CACNA1B: variants seen among roughly 807,000 people sequenced by gnomAD.
The protein encoded by CACNA1B is calcium voltage-gated channel subunit alpha1 B, also known as voltage-dependent N-type calcium channel subunit alpha-1B.
A neutral mutation model predicts 247.2 loss-of-function variants in CACNA1B; 70 were observed. That is an observed-to-expected ratio of 0.28 (90% confidence interval 0.23 to 0.35). The LOEUF is 0.35. Ranked by LOEUF, CACNA1B falls within the 10% of genes least tolerant of loss-of-function variation. The pLI is 1.00. For synonymous variants in CACNA1B, 1,231 were observed against 1,294.4 expected (o/e 0.95, Z 1.05); for missense variants, 2,367 against 3,197.4 (o/e 0.74, Z 6.26).
intron 3 of CACNA1B, among the ~76,000 whole-genome samples, chr9:137,903,516 G>A (rs1957263694): frequency 6.6e-6 from 1 of 152,184 alleles, no homozygotes; most frequent in South Asian, 2.1e-4. Context: ...AATGTCTCAT[G>A]AAGCCAGTCC....
chr9:138,044,393 G>C (rs1472736620), intron 21 of CACNA1B, among the ~76,000 whole-genome samples: 1 of 152,250 alleles, frequency 6.6e-6, no homozygotes, highest in Non-Finnish European at 1.5e-5. Flanking sequence ...CCTGGGAATA[G>C]TTAGGAATGA....
intron 6 of CACNA1B, among the ~76,000 whole-genome samples, chr9:137,926,015 A>C (rs1957546308): frequency 6.7e-6 from 1 of 149,536 alleles, no homozygotes. Flanking sequence ...CGGCCTTCCA[A>C]ATTGCTGGGA....
Position 138,021,530 on chromosome 9 carries a change from G to A in CACNA1B, c.2268-1481G>A, listed in dbSNP as rs2133434944. Among the ~76,000 whole-genome samples the A allele has an allele frequency of 2.0e-5, 3 of 152,376 alleles. 1 individual carries two copies. In the South Asian group the frequency reaches 6.2e-4, roughly 32 times the overall value. On this transcript the variant is annotated intron_variant, in intron 18 of 46. Transcript: ENST00000371372. Reference sequence around the variant, plus strand: ...TTGCAGGTCAGAGTGGTGCTCAGCGGCTCAGGGCCCCGGAGCTGGTGGCCG... The same window carrying A: ...TTGCAGGTCAGAGTGGTGCTCAGCGACTCAGGGCCCCGGAGCTGGTGGCCG...
chr9:137,992,712 T>TA (rs1271164909), intron 15 of CACNA1B, among the ~76,000 whole-genome samples: 1 of 148,566 alleles, frequency 6.7e-6, no homozygotes, highest in Non-Finnish European at 1.5e-5. Flanking sequence ...TCGGGAAATT[T>TA]AAAAAAATCT....
chr9:138,068,466 G>A (rs1287504745), intron 31 of CACNA1B: 1 of 333,886 alleles, frequency 3.0e-6, no homozygotes, highest in East Asian at 7.6e-5. Context: ...AATCAGAAAA[G>A]TTGAGTCCCC....
intron 39 of CACNA1B, among the ~76,000 whole-genome samples, chr9:138,109,216 C>T (rs1370693127): frequency 6.6e-6 from 1 of 152,116 alleles, no homozygotes; most frequent in Non-Finnish European, 1.5e-5. Context: ...TTTTAACAAA[C>T]TTGGAAAGGC....
At position 138,052,167 on chromosome 9, in the gene CACNA1B, C is replaced by T. The variant is rs771339845; in HGVS notation, c.3786C>T (p.Ile1262=). 13 of 1,609,296 alleles carry T rather than the reference C, an allele frequency of 8.1e-6. No homozygotes were observed. The highest frequency in any genetic ancestry group is 1.3e-5 in the African/African-American group (1 of 74,812). Residue 1262 remains isoleucine, a synonymous_variant, in exon 25 of 47, where the codon ATC becomes ATT. Coordinates refer to ENST00000371372, the MANE Select transcript of CACNA1B (RefSeq NM_000718.4). This position sits in a 1 kb window ranked among gnomAD's most constrained non-coding sequence, Gnocchi z 5.1. ...GTGTCCTGCGGCCCCTCAAGACCAT[C>T]AAACGGCTGCCCAAGCTCAAGGTTA... The part of the protein sequence containing the change: ...VLRVLRPLKT[I]KRLPKLKAVF...
intron 20 of CACNA1B, among the ~76,000 whole-genome samples, chr9:138,035,297 A>T (rs1959028961): frequency 6.6e-6 from 1 of 152,138 alleles, no homozygotes; most frequent in Non-Finnish European, 1.5e-5. Context: ...CATCTCTACT[A>T]AAAGTACAAA....
At position 138,059,356 on chromosome 9, in the gene CACNA1B, G is replaced by C. The variant is rs1959633373; in HGVS notation, c.4584+167G>C. On this transcript the variant is annotated intron_variant, in intron 30 of 46. Coordinates refer to ENST00000371372, the MANE Select transcript of CACNA1B (RefSeq NM_000718.4). This position sits in a 1 kb window ranked among gnomAD's most constrained non-coding sequence, Gnocchi z 4.2. ...GGAAGGGGCTGTTCTGAGACTCTTGGCTACATAAGCTCTGCCCCCAGCCTA... is the reference window on the plus strand; with the variant it reads ...GGAAGGGGCTGTTCTGAGACTCTTGCCTACATAAGCTCTGCCCCCAGCCTA... 6.6e-6 allele frequency among the ~76,000 whole-genome samples: 1 copy of C among 152,136 alleles called. No homozygotes were observed. The highest frequency in any genetic ancestry group is 1.5e-5 in the Non-Finnish European group (1 of 68,012).
rs1029410747 is a variant in CACNA1B at position 137,952,413 on chromosome 9, CTG to C, written c.1070+40_1070+41del. ...ATGTGGGGGATGTGCAGGTGCCCCTCTGTGTTCTCAGCTGAGGGGTCAACAGG... is the reference window on the plus strand; with the variant it reads ...ATGTGGGGGATGTGCAGGTGCCCCTCTGTTCTCAGCTGAGGGGTCAACAGG... On this transcript the variant is annotated intron_variant, in intron 7 of 46. Coordinates refer to ENST00000371372, the MANE Select transcript of CACNA1B (RefSeq NM_000718.4). The surrounding 1 kb of genome is among the most constrained non-coding windows in gnomAD (Gnocchi z 4.8). 3.2e-6 allele frequency: 5 copies of C among 1,556,628 alleles called. No homozygotes were observed. The African/African-American group carries it at 5.4e-5, about 17-fold the overall frequency.
At chr9:137,948,812 A>C (rs1310157830) in intron 6 of CACNA1B, among the ~76,000 whole-genome samples, 1 of 120,798 alleles carries the variant, frequency 8.3e-6, no homozygotes, top group Non-Finnish European at 1.7e-5. Context: ...TGGTGTGTGC[A>C]TGTGTGTGTG....
chr9:138,055,390 A>G lies in CACNA1B; in HGVS notation c.3968+1384A>G, dbSNP rs527242720. ...AGCAGTCCTCTTGCCTCGGCCTCCT[A>G]GAGTGCTGGGATTACAGGTGTGAGC... On this transcript the variant is annotated intron_variant, in intron 26 of 46. Transcript: ENST00000371372. Among the ~76,000 whole-genome samples the G allele has an allele frequency of 3.3e-5, 5 of 152,218 alleles. No homozygotes were observed. The East Asian group carries it at 7.7e-4, about 24-fold the overall frequency.
At position 138,011,621 on chromosome 9, in the gene CACNA1B, A is replaced by G. The variant is rs2133420921; in HGVS notation, c.2161-1508A>G. On this transcript the variant is annotated intron_variant, in intron 17 of 46. Transcript: ENST00000371372. This position sits in a 1 kb window ranked among gnomAD's most constrained non-coding sequence, Gnocchi z 4.2. ...CAGGGGACTTTAGAACACTCCCTGG[A>G]GTGACTGGCAAAGTCCCTGCCCCAG... 6.6e-6 allele frequency among the ~76,000 whole-genome samples: 1 copy of G among 152,278 alleles called. No homozygotes were observed. The highest frequency in any genetic ancestry group is 1.5e-5 in the Non-Finnish European group (1 of 68,004).
In CACNA1B at chr9:138,023,372, G is replaced by C; in HGVS notation, c.2629G>C (p.Gly877Arg). The change falls in exon 19 of 47, where the codon GGG (glycine) becomes CGG (arginine). Residue 877 changes from glycine (G) to arginine (R), a missense_variant. Physicochemically the swap from Gly to Arg is moderately radical, Grantham distance 125. This residue lies in a region of CACNA1B where 631 missense variants were observed against 631.1 expected (regional missense o/e 1.00). Transcript: ENST00000371372. ...DRAEAPKAESGEPGAREERPR... is the reference protein window; with the variant it reads ...DRAEAPKAESREPGAREERPR... ...AGCAGAGGCCCCGAAGGCGGAGAGC[G>C]GGGAGCCCGGTGCCCGGGAGGAGCG... 1 of 1,397,880 alleles carries C rather than the reference G, an allele frequency of 7.2e-7. No individual in the cohort carries two copies. Among genetic ancestry groups the C allele is most frequent in the East Asian group, 3.1e-5 (1 of 32,702 alleles). The allele number at this position is 1,397,880 out of a possible 1,614,324, so 86.6% of individuals were successfully genotyped here. A position where few individuals can be genotyped will look rare whatever the true frequency, so the allele number is the denominator to read the frequency against.
intron 19 of CACNA1B, among the ~76,000 whole-genome samples, chr9:138,024,385 C>G (rs535616572): frequency 6.6e-6 from 1 of 152,198 alleles, no homozygotes; most frequent in Non-Finnish European, 1.5e-5. Context: ...CAGGTACCCA[C>G]TGGCCACAAA....
At chr9:138,118,201 G>C (rs1245132816) in intron 43 of CACNA1B, 120 bp downstream of exon 43, 1 of 571,946 alleles carries the variant, frequency 1.7e-6, no homozygotes, top group African/African-American at 2.9e-5. Flanking sequence ...GACTGGGGTG[G>C]GGAACATGTG....
intron 6 of CACNA1B, among the ~76,000 whole-genome samples, chr9:137,937,475 T>C (rs2133313223): frequency 1.3e-5 from 2 of 152,288 alleles, no homozygotes; most frequent in Admixed American, 1.3e-4. Context: ...TTGGCGTTCC[T>C]GAGGAAGAAG....
intron 40 of CACNA1B, 147 bp downstream of exon 40, chr9:138,112,652 TCCAA>T (rs1034281404): frequency 4.7e-6 from 3 of 633,922 alleles, no homozygotes; most frequent in Non-Finnish European, 5.8e-6. Flanking sequence ...TGCCCTCAGC[TCCAA>T]CCAAGAGAGC....
At position 138,038,514 on chromosome 9, in the gene CACNA1B, C is replaced by T. The variant is rs111916569; in HGVS notation, c.3287-5260C>T. Among the ~76,000 whole-genome samples the T allele has an allele frequency of 8.8e-3, 1,346 of 152,336 alleles. 14 individuals are homozygous for T. The highest frequency in any genetic ancestry group is 0.012 in the Non-Finnish European group (820 of 68,036). ...GACTTCCCTTGGACTACAGGAACCACGGGAAGTGCATGGGAGTTTGCATCC... is the reference window on the plus strand; with the variant it reads ...GACTTCCCTTGGACTACAGGAACCATGGGAAGTGCATGGGAGTTTGCATCC... On this transcript the variant is annotated intron_variant, in intron 20 of 46. Transcript: ENST00000371372.
Sources: allele counts gnomAD v4.1 joint callset (sites outside exome capture counted in the v4.1 genomes callset), GRCh38; gene constraint gnomAD v4.1.1; regional missense constraint gnomAD v4.1.1; non-coding constraint Gnocchi (gnomAD v3.1); transcripts MANE v1.5; gene names NCBI Gene and HGNC (gene_info 2026-07-23, HGNC 2026-07-21).